SCN3A: variants seen among roughly 807,000 people sequenced by gnomAD.
SCN3A encodes the protein sodium channel protein type 3 subunit alpha.
SCN3A carries 60 observed loss-of-function variants against 187.6 expected under a neutral mutation model. The observed-to-expected ratio is 0.32, with a 90% CI of 0.26 to 0.40. The LOEUF is 0.40. Among genes scored for constraint, SCN3A ranks in the 10% least tolerant of loss-of-function variants. The pLI is 1.00. For synonymous variants in SCN3A, 788 were observed against 829.2 expected, an observed-to-expected ratio of 0.95 and a Z score of 0.85; for missense variants, 1,601 against 2,428.2, an observed-to-expected ratio of 0.66 and a Z score of 7.16.
chr2:165,195,101 A>G (rs1389500067), intron 1 of SCN3A: 1 of 152,144 alleles, frequency 6.6e-6, no homozygotes, highest in Non-Finnish European at 1.5e-5. Context: ...AAAATTATAT[A>G]TGATAAAAAA....
chr2:165,193,161 C>T (rs1289050108), intron 1 of SCN3A, among the ~76,000 whole-genome samples: 1 of 152,108 alleles, frequency 6.6e-6, no homozygotes, highest in African/African-American at 2.4e-5. Context: ...CCATCACTCT[C>T]CTCCAAGGGA....
At chr2:165,137,104 A>T (rs1023794012) in intron 15 of SCN3A, among the ~76,000 whole-genome samples, 1 of 152,152 alleles carries the variant, frequency 6.6e-6, no homozygotes, top group Non-Finnish European at 1.5e-5. Context: ...ACATTTGCTG[A>T]CCTAAAGACA....
At chr2:165,185,421 G>C (rs1691170118) in intron 2 of SCN3A, among the ~76,000 whole-genome samples, 1 of 152,196 alleles carries the variant, frequency 6.6e-6, no homozygotes, top group African/African-American at 2.4e-5. Flanking sequence ...AAGGTGAGGG[G>C]ACTTCAGTCA....
chr2:165,112,799 G>T, intron 21 of SCN3A, 86 bp downstream of exon 21: 1 of 1,168,078 alleles, frequency 8.6e-7, no homozygotes. Flanking sequence ...GTCATTATTA[G>T]TGAAAGTTTT....
chr2:165,104,649 A>G (rs1474874587), intron 21 of SCN3A, among the ~76,000 whole-genome samples: 1 of 152,078 alleles, frequency 6.6e-6, no homozygotes, highest in Non-Finnish European at 1.5e-5. Context: ...ATTTGACTAA[A>G]TCAATATGAA....
At chr2:165,148,752 A>G (rs1688501795) in intron 11 of SCN3A, among the ~76,000 whole-genome samples, 1 of 152,086 alleles carries the variant, frequency 6.6e-6, no homozygotes, top group South Asian at 2.1e-4. Flanking sequence ...CAGAATTTAG[A>G]TATTTATAAA....
chr2:165,120,044 G>C (rs191344932), intron 18 of SCN3A, among the ~76,000 whole-genome samples: 1 of 152,006 alleles, frequency 6.6e-6, no homozygotes, highest in African/African-American at 2.4e-5. Flanking sequence ...GAAACGAGTG[G>C]GTCTACAGAG....
intron 11 of SCN3A, among the ~76,000 whole-genome samples, chr2:165,151,668 C>G (rs1688690599): frequency 6.6e-6 from 1 of 152,164 alleles, no homozygotes; most frequent in South Asian, 2.1e-4. Context: ...TGAGATGAAG[C>G]TGAGTTTAGG....
chr2:165,129,832 G>A, intron 17 of SCN3A, 108 bp downstream of exon 17: 1 of 1,392,064 alleles, frequency 7.2e-7, no homozygotes, highest in Admixed American at 1.7e-5. Context: ...GGGGATTTCA[G>A]TCTAGGCCAC....
chr2:165,114,989 A>G (rs1686288918), intron 19 of SCN3A, among the ~76,000 whole-genome samples: 1 of 152,336 alleles, frequency 6.6e-6, no homozygotes, highest in South Asian at 2.1e-4. Flanking sequence ...TTTAAAAGAC[A>G]AAAAAGGAAA....
chr2:165,161,581 A>G (rs907311454), intron 9 of SCN3A, among the ~76,000 whole-genome samples: 4 of 152,206 alleles, frequency 2.6e-5, no homozygotes, highest in African/African-American at 7.2e-5. Flanking sequence ...GACTCAAAAT[A>G]TATTTAAGTT....
At chr2:165,091,497 G>A in intron 27 of SCN3A, 152 bp from the exon 28 acceptor site, 2 of 1,054,210 alleles carry the variant, frequency 1.9e-6, no homozygotes, top group Non-Finnish European at 2.8e-6. Flanking sequence ...AGCAATTACA[G>A]ATTACAGAGT....
chr2:165,132,478 G>T (rs571827195), intron 15 of SCN3A, among the ~76,000 whole-genome samples: 22 of 152,158 alleles, frequency 1.4e-4, no homozygotes, highest in African/African-American at 4.3e-4. Flanking sequence ...ATAATGCCAC[G>T]TATCTACAAC....
intron 1 of SCN3A, among the ~76,000 whole-genome samples, chr2:165,202,828 A>G: frequency 6.6e-6 from 1 of 151,998 alleles, no homozygotes; most frequent in East Asian, 1.9e-4. Flanking sequence ...CTTTGTCCTC[A>G]TAAGCCACAT....
At position 165,146,762 on chromosome 2, in the gene SCN3A, T is replaced by C. The variant is rs754070468; in HGVS notation, c.1648A>G (p.Lys550Glu). The C allele has an allele frequency of 1.9e-6, 3 of 1,613,936 alleles. No individual in the cohort carries two copies. The highest frequency in any genetic ancestry group is 2.7e-5 in the African/African-American group (2 of 74,914). The change falls in exon 12 of 28, where the codon AAA becomes GAA. Residue 550 changes from lysine (K) to glutamate (E), a missense_variant. Lys to Glu is a moderately conservative substitution (Grantham distance 56). Coordinates refer to ENST00000283254, the MANE Select transcript of SCN3A (RefSeq NM_006922.4). ...SMDGNRLTSD[K>E]KFCSPHQSLL... ...ACCTGATGAGGGGAGCAGAATTTTTTGTCACTGGTCAGTCTGTTTCCATCC... is the reference window on the plus strand; with the variant it reads ...ACCTGATGAGGGGAGCAGAATTTTTCGTCACTGGTCAGTCTGTTTCCATCC...
intron 18 of SCN3A, among the ~76,000 whole-genome samples, chr2:165,123,485 C>G (rs1464070785): frequency 6.6e-6 from 1 of 152,114 alleles, no homozygotes; most frequent in African/African-American, 2.4e-5. Context: ...ACTGTCTCCT[C>G]TTCAAGCAGA....
At chr2:165,097,594 G>C in intron 22 of SCN3A, 70 bp from the exon 23 acceptor site, 1 of 1,570,414 alleles carries the variant, frequency 6.4e-7, no homozygotes, top group South Asian at 1.1e-5. Flanking sequence ...CAATGTATTT[G>C]TTTAGTATTA....
chr2:165,139,732 A>G lies in SCN3A; in HGVS notation c.2020-124T>C. ...CAGGTAAGAATTTTCAAGGAATAAA[A>G]TATTGAATTATTGCTAAGTTATAAA... is the stretch of plus-strand genomic sequence containing the variant. On this transcript the variant is annotated intron_variant, in intron 13 of 27. Coordinates refer to ENST00000283254, the MANE Select transcript of SCN3A (RefSeq NM_006922.4). The G allele has an allele frequency of 2.5e-6, 3 of 1,189,570 alleles. No individual in the cohort carries two copies. The South Asian group carries it at 3.8e-5, about 15-fold the overall frequency. 73.7% of individuals were successfully genotyped at this position (1,189,570 alleles called of 1,614,324 possible). A position where few individuals can be genotyped will look rare whatever the true frequency, so the allele number is the denominator to read the frequency against.
At chr2:165,175,072 C>T (rs1054670721) in intron 3 of SCN3A, among the ~76,000 whole-genome samples, 2 of 152,172 alleles carry the variant, frequency 1.3e-5, no homozygotes, top group African/African-American at 2.4e-5. Context: ...TTATTTAGAA[C>T]AACAGGACTA....
Sources: allele counts gnomAD v4.1 joint callset (sites outside exome capture counted in the v4.1 genomes callset), GRCh38; gene constraint gnomAD v4.1.1; transcripts MANE v1.5; gene names NCBI Gene and HGNC (gene_info 2026-07-23, HGNC 2026-07-21).